UBASH3B: variants seen among roughly 807,000 people sequenced by gnomAD.
The protein encoded by UBASH3B is ubiquitin-associated and SH3 domain-containing protein B.
UBASH3B carries 37 observed loss-of-function variants against 83.4 expected under a neutral mutation model. The ratio of observed to expected loss-of-function variants is 0.44; its 90% confidence interval spans 0.34 to 0.58. UBASH3B has a LOEUF of 0.58. Ranked by LOEUF, UBASH3B falls within the 20% of genes least tolerant of loss-of-function variation. UBASH3B has a pLI of 0.01. For missense variants in UBASH3B, 657 were observed against 827.2 expected (o/e 0.79, Z 2.52); for synonymous variants, 304 against 318.3 (o/e 0.96, Z 0.48).
Position 122,656,123 on chromosome 11 carries a change from G to T in UBASH3B, c.74G>T (p.Arg25Leu). The T allele has an allele frequency of 6.3e-7, 1 of 1,598,506 alleles. No individual in the cohort carries two copies. The stretch of plus-strand genomic sequence containing the variant: ...GAGCTGTACAGCAAAGTCACCCCCC[G>T]GAGGAACCGCCAACAGCGCCCCGGC... ...REELYSKVTP[R>L]RNRQQRPGTI... The change falls in exon 1 of 14, where the codon CGG becomes CTG. Residue 25 changes from arginine (R) to leucine (L), a missense_variant. Around this residue, in one of 3 missense-constraint regions of UBASH3B, gnomAD observed 78 missense variants for 68.4 expected, o/e 1.14. Coordinates refer to ENST00000284273, the MANE Select transcript of UBASH3B (RefSeq NM_032873.5).
intron 1 of UBASH3B, among the ~76,000 whole-genome samples, chr11:122,742,213 A>C (rs1555142327): frequency 6.6e-6 from 1 of 152,176 alleles, no homozygotes; most frequent in Non-Finnish European, 1.5e-5. Context: ...GGTCGGGAGA[A>C]CCTTTTTAGA....
intron 1 of UBASH3B, among the ~76,000 whole-genome samples, chr11:122,714,108 G>A (rs55829392): frequency 0.13 from 19,424 of 152,162 alleles, 1,392 homozygotes; most frequent in African/African-American, 0.18. Flanking sequence ...GATTGCCTTC[G>A]TCTAAGTCAT....
chr11:122,789,056 A>G, intron 5 of UBASH3B, 44 bp from the exon 6 acceptor site: 1 of 1,556,472 alleles, frequency 6.4e-7, no homozygotes, highest in Non-Finnish European at 8.8e-7. Flanking sequence ...CGCTCAGGAG[A>G]ATGGTGAGGC....
At chr11:122,710,770 G>A (rs1049396136) in intron 1 of UBASH3B, among the ~76,000 whole-genome samples, 1 of 151,890 alleles carries the variant, frequency 6.6e-6, no homozygotes, top group East Asian at 1.9e-4. Context: ...AACACAGAAA[G>A]CCCATGCCGC....
intron 1 of UBASH3B, among the ~76,000 whole-genome samples, chr11:122,699,531 C>CTCTTTCTTTCTTTATTCTTTCTT (rs1555137132): frequency 5.7e-4 from 62 of 107,936 alleles, no homozygotes; most frequent in African/African-American, 2.0e-3. Flanking sequence ...TTCTTTCTTT[C>CTCTTTCTTTCTTTATTCTTTCTT]TCTTTCTTTC....
At chr11:122,776,988 C>A in intron 2 of UBASH3B, 36 bp from the exon 3 acceptor site, 1 of 1,534,928 alleles carries the variant, frequency 6.5e-7, no homozygotes, top group Non-Finnish European at 8.8e-7. Flanking sequence ...CCATTATTCT[C>A]AAGCGACACC....
At chr11:122,732,765 C>T (rs1435426781) in intron 1 of UBASH3B, among the ~76,000 whole-genome samples, 1 of 152,104 alleles carries the variant, frequency 6.6e-6, no homozygotes, top group African/African-American at 2.4e-5. Context: ...TTGTGTAAAC[C>T]AACAACTTTA....
At chr11:122,675,870 A>T (rs1009964754) in intron 1 of UBASH3B, among the ~76,000 whole-genome samples, 5 of 152,224 alleles carry the variant, frequency 3.3e-5, no homozygotes, top group African/African-American at 1.2e-4. Flanking sequence ...TTACAATTAA[A>T]TAGAGAGAGA....
intron 1 of UBASH3B, among the ~76,000 whole-genome samples, chr11:122,701,971 G>A (rs988174495): frequency 1.3e-5 from 2 of 151,940 alleles, no homozygotes; most frequent in East Asian, 1.9e-4. Context: ...CTCCTGCCTC[G>A]GCCTCCCAAA....
intron 1 of UBASH3B, among the ~76,000 whole-genome samples, chr11:122,694,411 T>G (rs1385269757): frequency 1.3e-5 from 2 of 152,144 alleles, no homozygotes; most frequent in South Asian, 2.1e-4. Flanking sequence ...TGAAACTTAC[T>G]CAGGCCAGCA....
intron 1 of UBASH3B, among the ~76,000 whole-genome samples, chr11:122,741,287 A>G (rs990274343): frequency 6.6e-6 from 1 of 152,232 alleles, no homozygotes; most frequent in Non-Finnish European, 1.5e-5. Flanking sequence ...ATGAATTTTA[A>G]AAATTTTCAA....
At chr11:122,757,096 G>A (rs561923871) in intron 1 of UBASH3B, among the ~76,000 whole-genome samples, 1 of 152,164 alleles carries the variant, frequency 6.6e-6, no homozygotes, top group South Asian at 2.1e-4. Context: ...CAGAACCTAA[G>A]TATCTTTGCC....
intron 1 of UBASH3B, chr11:122,775,964 C>G (rs2135138991): frequency 2.5e-6 from 1 of 403,196 alleles, no homozygotes; most frequent in East Asian, 4.4e-5. Context: ...GTGGAAACTG[C>G]TGAAAATAGA....
chr11:122,747,234 T>C (rs1053633284), intron 1 of UBASH3B, among the ~76,000 whole-genome samples: 1 of 151,978 alleles, frequency 6.6e-6, no homozygotes, highest in Admixed American at 6.6e-5. Context: ...GGACTATAAA[T>C]TGGAGAATGA....
In UBASH3B at chr11:122,796,262, G is replaced by A; in HGVS notation, c.1220G>A (p.Cys407Tyr). 9 of 1,614,152 alleles carry A rather than the reference G, an allele frequency of 5.6e-6. No homozygotes were observed. The highest frequency in any genetic ancestry group is 7.6e-6 in the Non-Finnish European group (9 of 1,179,978). Residue 407 changes from cysteine (C) to tyrosine (Y), a missense_variant, in exon 8 of 14, where the codon TGC (cysteine) becomes TAC (tyrosine). By Grantham distance (194) the Cys-to-Tyr change is radical. Around this residue, in one of 3 missense-constraint regions of UBASH3B, gnomAD observed 573 missense variants for 739.0 expected, o/e 0.78. Transcript: ENST00000284273. ...TTTGGGAAGTACTGGCTGTCCCAGT[G>A]CTTCGATGCCAAAGGTGAGTTGGTG... ...VVFGKYWLSQ[C>Y]FDAKGRYIRT...
chr11:122,724,138 A>G (rs1278733905), intron 1 of UBASH3B, among the ~76,000 whole-genome samples: 1 of 152,198 alleles, frequency 6.6e-6, no homozygotes, highest in Admixed American at 6.5e-5. Context: ...AGATATTATT[A>G]CATAGAGTTA....
At chr11:122,795,176 G>C (rs1861133249) in intron 7 of UBASH3B, among the ~76,000 whole-genome samples, 1 of 152,184 alleles carries the variant, frequency 6.6e-6, no homozygotes, top group Non-Finnish European at 1.5e-5. Flanking sequence ...TAGGCTCTTA[G>C]CACCATAACT....
chr11:122,699,491 C>A (rs1184626266), intron 1 of UBASH3B, among the ~76,000 whole-genome samples: 1 of 150,402 alleles, frequency 6.6e-6, no homozygotes, highest in African/African-American at 2.4e-5. Flanking sequence ...ACTGATTTTT[C>A]TTTTTAAATC....
At chr11:122,796,011 G>T in intron 7 of UBASH3B, 145 bp from the exon 8 acceptor site, 1 of 932,260 alleles carries the variant, frequency 1.1e-6, no homozygotes, top group Non-Finnish European at 1.6e-6. Context: ...TAACTTATGA[G>T]GTCTGTAGGA....
Sources: allele counts gnomAD v4.1 joint callset (sites outside exome capture counted in the v4.1 genomes callset), GRCh38; gene constraint gnomAD v4.1.1; regional missense constraint gnomAD v4.1.1; transcripts MANE v1.5; gene names NCBI Gene and HGNC (gene_info 2026-07-23, HGNC 2026-07-21).